Variants in EDA observed in about 807,000 individuals in gnomAD.
EDA encodes the protein ectodysplasin-A.
Under a neutral mutation model 23.6 loss-of-function variants are expected in EDA, and 2 were observed. That is an observed-to-expected ratio of 0.08 (90% CI 0.03 to 0.27). The LOEUF is 0.27. EDA is among the 10% of genes least tolerant of loss of function. The pLI is 1.00. For synonymous variants in EDA, 131 were observed against 132.0 expected, an observed-to-expected ratio of 0.99 and a Z score of 0.05; for missense variants, 229 against 324.2, an observed-to-expected ratio of 0.71 and a Z score of 2.26.
At chrX:69,674,977 T>C (rs975714848) in intron 1 of EDA, among the ~76,000 whole-genome samples, 1 of 111,632 alleles carries the variant, frequency 9.0e-6, no homozygotes, top group Non-Finnish European at 1.9e-5. Context: ...AACACTATTA[T>C]CTCTGTTTTA....
intron 1 of EDA, among the ~76,000 whole-genome samples, chrX:69,883,133 T>C (rs1275414942): frequency 1.8e-5 from 2 of 112,590 alleles, no homozygotes; most frequent in Non-Finnish European, 3.7e-5. Flanking sequence ...TGAGCAAGCA[T>C]GGCCTACATT....
At position 69,750,639 on chromosome X, in the gene EDA, A is replaced by G. The variant is rs192154362; in HGVS notation, c.396+133935A>G. Among the ~76,000 whole-genome samples the G allele has an allele frequency of 4.1e-3, 455 of 111,425 alleles. 2 individuals carry two copies. The highest frequency in any genetic ancestry group is 0.014 in the African/African-American group (425 of 30,654). On this transcript the variant is annotated intron_variant, in intron 1 of 7. Coordinates refer to ENST00000374552, the MANE Select transcript of EDA (RefSeq NM_001399.5). The stretch of plus-strand genomic sequence containing the variant: ...GTTGAACTAGTTTACAGTCCTACCA[A>G]CAGTGTAAGAGTGTTCCTATTTCTC...
chrX:69,878,525 C>G (rs138734855), intron 1 of EDA, among the ~76,000 whole-genome samples: 1 of 112,314 alleles, frequency 8.9e-6, no homozygotes, highest in African/African-American at 3.2e-5. Context: ...GCAGAACAGA[C>G]GTCTCCACCA....
intron 1 of EDA, among the ~76,000 whole-genome samples, chrX:69,843,872 A>C (rs1051635737): frequency 3.7e-5 from 4 of 109,377 alleles, no homozygotes; most frequent in Non-Finnish European, 7.6e-5. Context: ...AATACAAAAA[A>C]TTAGCCGAGC....
intron 1 of EDA, among the ~76,000 whole-genome samples, chrX:69,781,414 G>T (rs1477511781): frequency 9.0e-6 from 1 of 111,548 alleles, no homozygotes; most frequent in East Asian, 2.8e-4. Flanking sequence ...TTTTCTGTCT[G>T]TAAATAAAGT....
intron 1 of EDA, among the ~76,000 whole-genome samples, chrX:69,846,544 C>G (rs111848889): frequency 0.016 from 1,818 of 111,314 alleles, 45 homozygotes; most frequent in African/African-American, 0.056. Flanking sequence ...ATCCGCCCAC[C>G]TCGGCCTCCC....
intron 1 of EDA, among the ~76,000 whole-genome samples, chrX:69,688,575 A>G (rs967263545): frequency 5.4e-5 from 6 of 110,372 alleles, no homozygotes; most frequent in South Asian, 7.8e-4. Flanking sequence ...TAATTTTTGT[A>G]TTTTTAGTAG....
At chrX:69,923,376 G>A (rs1239361574) in intron 1 of EDA, among the ~76,000 whole-genome samples, 3 of 110,561 alleles carry the variant, frequency 2.7e-5, no homozygotes, top group Non-Finnish European at 3.8e-5. Context: ...ACTTATGAGT[G>A]AGAACATGAG....
At chrX:69,795,754 G>T (rs960067230) in intron 1 of EDA, among the ~76,000 whole-genome samples, 2 of 112,673 alleles carry the variant, frequency 1.8e-5, no homozygotes, top group African/African-American at 3.2e-5. Context: ...CAGTGGCAAA[G>T]CCACAGCATG....
rs759073807 is a variant in EDA at position 69,922,798 on chromosome X, A to C, written c.397-34229A>C. Among the ~76,000 whole-genome samples, 674 of 112,303 alleles carry C rather than the reference A, an allele frequency of 6.0e-3. 8 individuals are homozygous for C. Among genetic ancestry groups the C allele is most frequent in the African/African-American group, 0.021 (649 of 30,949 alleles). On this transcript the variant is annotated intron_variant, in intron 1 of 7. Coordinates refer to ENST00000374552, the MANE Select transcript of EDA (RefSeq NM_001399.5). ...CCACTAAAGTGAATGCTAAGTCACC[A>C]GTGGCAGACAGTGAATCACAAGAAC...
At chrX:69,760,205 A>G (rs1383561652) in intron 1 of EDA, among the ~76,000 whole-genome samples, 15 of 107,619 alleles carry the variant, frequency 1.4e-4, no homozygotes, top group African/African-American at 5.0e-4. Context: ...TACAAAAAAA[A>G]AAAAAAAAAA....
chrX:69,673,994 G>C (rs1487336802), intron 1 of EDA, among the ~76,000 whole-genome samples: 3 of 111,466 alleles, frequency 2.7e-5, no homozygotes, highest in South Asian at 7.6e-4. Context: ...CTGCTGCCCC[G>C]TCAAGCTACC....
intron 1 of EDA, among the ~76,000 whole-genome samples, chrX:69,769,632 T>G (rs1319304615): frequency 1.1e-4 from 12 of 111,633 alleles, no homozygotes; most frequent in Non-Finnish European, 1.7e-4. Context: ...TTAAGTATCA[T>G]TATAATTATA....
rs184107768 is a variant in EDA, at chrX:69,858,421, T to C, written c.397-98606T>C. ...CTTCTTCAATACCTAGTTTATTGAG[T>C]TTTTTTAAAAACCATGAAGAGGTGT... On this transcript the variant is annotated intron_variant, in intron 1 of 7. Coordinates refer to ENST00000374552, the MANE Select transcript of EDA (RefSeq NM_001399.5). Among the ~76,000 whole-genome samples, 16 of 111,584 alleles carry C rather than the reference T, an allele frequency of 1.4e-4. No homozygotes were observed. The East Asian group carries it at 4.2e-3, about 29-fold the overall frequency.
At chrX:69,815,448 G>A (rs2016057892) in intron 1 of EDA, among the ~76,000 whole-genome samples, 1 of 106,264 alleles carries the variant, frequency 9.4e-6, no homozygotes, top group Non-Finnish European at 1.9e-5. Flanking sequence ...GGGGTGGGGG[G>A]TAGCCGCCAT....
At chrX:69,924,265 C>T (rs778892101) in intron 1 of EDA, among the ~76,000 whole-genome samples, 2 of 111,494 alleles carry the variant, frequency 1.8e-5, no homozygotes, top group Non-Finnish European at 3.8e-5. Context: ...AATGGTATTG[C>T]CTAGGTTTTC....
chrX:69,787,183 GTCT>G (rs1440739379), intron 1 of EDA, among the ~76,000 whole-genome samples: 16 of 99,356 alleles, frequency 1.6e-4, no homozygotes, highest in Non-Finnish European at 3.1e-4. Context: ...GCCTATGTGT[GTCT>G]CTGCACGTGA....
At chrX:69,894,456 G>A (rs2017978570) in intron 1 of EDA, among the ~76,000 whole-genome samples, 1 of 111,755 alleles carries the variant, frequency 8.9e-6, no homozygotes, top group Non-Finnish European at 1.9e-5. Context: ...ATCATTGGTA[G>A]TTTGATAGGA....
intron 1 of EDA, among the ~76,000 whole-genome samples, chrX:69,807,769 A>T (rs1030024194): frequency 9.0e-6 from 1 of 110,673 alleles, no homozygotes; most frequent in African/African-American, 3.3e-5. Flanking sequence ...CACCCATCTG[A>T]TCGCTAACAG....
Sources: gnomAD v4.1 joint callset for allele counts (sites outside exome capture counted in the v4.1 genomes callset) on GRCh38, gnomAD v4.1.1 for gene constraint, MANE v1.5 for transcripts, NCBI Gene and HGNC (gene_info 2026-07-23, HGNC 2026-07-21) for gene names.